The following CLINT1 variants were observed in gnomAD, a reference collection of about 807,000 sequenced individuals.
The protein encoded by CLINT1 is clathrin interacting protein localized in the trans-Golgi region.
A neutral mutation model predicts 70.4 loss-of-function variants in CLINT1; 15 were observed. The ratio of observed to expected loss-of-function variants is 0.21; its 90% CI spans 0.14 to 0.33. CLINT1 has a LOEUF of 0.33. Ranked by LOEUF, CLINT1 falls within the 10% of genes least tolerant of loss-of-function variation. The pLI is 1.00. For missense variants in CLINT1, 615 were observed against 778.1 expected (o/e 0.79, Z 2.49); for synonymous variants, 227 against 254.7 (o/e 0.89, Z 1.04).
At chr5:157,853,297 C>T (rs1193491189) in intron 1 of CLINT1, among the ~76,000 whole-genome samples, 1 of 151,472 alleles carries the variant, frequency 6.6e-6, no homozygotes, top group East Asian at 1.9e-4. Context: ...GAGTTGAGAT[C>T]ACACCATGGC....
intron 8 of CLINT1, chr5:157,795,991 G>A (rs757894651): frequency 6.6e-6 from 1 of 152,186 alleles, no homozygotes; most frequent in African/African-American, 2.4e-5. Context: ...AGATTGCTGC[G>A]CTCCAGATTG....
At position 157,787,820 on chromosome 5, in the gene CLINT1, A is replaced by G. The variant is rs190825502; in HGVS notation, c.1704T>C (p.Asn568=). ...TCATGCTCTGGTTCATCATCGGAGT[A>G]TTTCCAAGAGGGGCCATTCCCATGG... ...TGTMGMAPLG[N]TPMMNQSMMG... Residue 568 remains asparagine (N), a synonymous_variant, in exon 12 of 12, where the codon AAT becomes AAC. Coordinates refer to ENST00000411809, the MANE Select transcript of CLINT1 (RefSeq NM_014666.4). 3 of 1,613,912 alleles carry G rather than the reference A, an allele frequency of 1.9e-6. No homozygotes were observed. The highest frequency in any genetic ancestry group is 2.5e-6 in the Non-Finnish European group (3 of 1,179,884).
At chr5:157,796,721 C>T (rs1365741274) in intron 8 of CLINT1, among the ~76,000 whole-genome samples, 1 of 152,110 alleles carries the variant, frequency 6.6e-6, no homozygotes, top group African/African-American at 2.4e-5. Context: ...TAAACTAGAA[C>T]CATCTCCCCT....
At position 157,814,312 on chromosome 5, in the gene CLINT1, A is replaced by C; in HGVS notation, c.244-19T>G. 1.3e-6 allele frequency: 2 copies of C among 1,506,194 alleles called. No homozygotes were observed. The highest frequency in any genetic ancestry group is 2.3e-5 in the South Asian group (2 of 85,480). 93.3% of individuals were successfully genotyped at this position (1,506,194 alleles called of 1,614,324 possible). ...GCAACGACTGCAAAAATACAAAGCA[A>C]TAAATGATTTAATGAAATATATTCT... is the stretch of plus-strand genomic sequence containing the variant. On this transcript the variant is annotated intron_variant, in intron 3 of 11. Transcript: ENST00000411809.
At chr5:157,825,417 A>T (rs1424109168) in intron 1 of CLINT1, among the ~76,000 whole-genome samples, 1 of 152,192 alleles carries the variant, frequency 6.6e-6, no homozygotes, top group African/African-American at 2.4e-5. Flanking sequence ...CAGTCAAAAA[A>T]AAATTACGAT....
At chr5:157,856,353 G>A (rs1269251921) in intron 1 of CLINT1, among the ~76,000 whole-genome samples, 1 of 152,216 alleles carries the variant, frequency 6.6e-6, no homozygotes, top group Non-Finnish European at 1.5e-5. Context: ...AGATTCATGT[G>A]ATTCTGCCTC....
intron 1 of CLINT1, among the ~76,000 whole-genome samples, chr5:157,858,175 A>G (rs1281209041): frequency 1.3e-5 from 2 of 152,178 alleles, no homozygotes; most frequent in Non-Finnish European, 2.9e-5. Context: ...ACAGGATATA[A>G]ACCTGGGTTG....
rs1374552830 is a variant in CLINT1 at position 157,813,352 on chromosome 5, A to G, written c.353-125T>C. ...AACTTCAATATTTAAAAAACAATAG[A>G]AAGGGGCAAGTTGTGCTATTTAACT... is the stretch of plus-strand genomic sequence containing the variant. On this transcript the variant is annotated intron_variant, in intron 4 of 11. Coordinates refer to ENST00000411809, the MANE Select transcript of CLINT1 (RefSeq NM_014666.4). The G allele has an allele frequency of 2.3e-5, 20 of 885,372 alleles. No individual in the cohort carries two copies. The African/African-American group carries it at 2.9e-4, about 13-fold the overall frequency. 54.8% of individuals were successfully genotyped at this position (885,372 alleles called of 1,614,324 possible).
rs147115775 is a variant in CLINT1 at position 157,813,745 on chromosome 5, T to C, written c.352+440A>G. ...AAGTGGGGTACGCTACAAAATGAAA[T>C]GTGCTTCATTTTCTAGCCTCTTTCA... On this transcript the variant is annotated intron_variant, in intron 4 of 11. Transcript: ENST00000411809. Among the ~76,000 whole-genome samples, 876 of 152,310 alleles carry C rather than the reference T, an allele frequency of 5.8e-3. 14 individuals are homozygous for C. Among genetic ancestry groups the C allele is most frequent in the African/African-American group, 0.019 (790 of 41,560 alleles).
intron 1 of CLINT1, among the ~76,000 whole-genome samples, chr5:157,839,672 G>T (rs1249599940): frequency 6.6e-6 from 1 of 151,362 alleles, no homozygotes; most frequent in Non-Finnish European, 1.5e-5. Flanking sequence ...TGGACTACAG[G>T]TGATCCTGCA....
At chr5:157,843,422 A>G (rs142868516) in intron 1 of CLINT1, among the ~76,000 whole-genome samples, 1 of 152,338 alleles carries the variant, frequency 6.6e-6, no homozygotes, top group Non-Finnish European at 1.5e-5. Context: ...TCCCAAAAGA[A>G]TAAGAATAAA....
rs188679471 is a variant in CLINT1, at chr5:157,832,018, C to A, written c.42-14471G>T. On this transcript the variant is annotated intron_variant, in intron 1 of 11. Coordinates refer to ENST00000411809, the MANE Select transcript of CLINT1 (RefSeq NM_014666.4). ...GCCACTGTTTTTTAAGACAGAGTCT[C>A]GCACTGTCCCCCAAGCTGGAGTGCA... Among the ~76,000 whole-genome samples, 4 of 151,836 alleles carry A rather than the reference C, an allele frequency of 2.6e-5. No homozygotes were observed. In the East Asian group the frequency reaches 7.8e-4, roughly 29 times the overall value.
intron 1 of CLINT1, among the ~76,000 whole-genome samples, chr5:157,824,626 G>C (rs1187146): frequency 6.6e-6 from 1 of 152,140 alleles, no homozygotes; most frequent in Non-Finnish European, 1.5e-5. Flanking sequence ...AAATAGCCAT[G>C]CTGTTAAAGC....
chr5:157,791,541 TAAATG>T lies in CLINT1; in HGVS notation c.1380+157_1380+161del. On this transcript the variant is annotated intron_variant, in intron 10 of 11. Transcript: ENST00000411809. The stretch of plus-strand genomic sequence containing the variant: ...GACTATGCTAGGGGAGAGTATGAGG[TAAATG>T]AAATGTGCAAATGCGTATATATACA... 9.0e-6 allele frequency: 6 copies of T among 669,268 alleles called. No homozygotes were observed. The African/African-American group carries it at 1.1e-4, about 12-fold the overall frequency. The allele number at this position is 669,268 out of a possible 1,614,324, so 41.5% of individuals were successfully genotyped here.
At chr5:157,804,525 A>C (rs1009664864) in intron 7 of CLINT1, among the ~76,000 whole-genome samples, 2 of 152,240 alleles carry the variant, frequency 1.3e-5, no homozygotes, top group Admixed American at 1.3e-4. Context: ...CTGTGATTCC[A>C]AAACACCTTT....
intron 1 of CLINT1, among the ~76,000 whole-genome samples, chr5:157,842,080 T>C (rs189067008): frequency 8.3e-4 from 127 of 152,376 alleles, no homozygotes; most frequent in Admixed American, 2.8e-3. Flanking sequence ...TAGATATAGA[T>C]GTAAGTTTTA....
At chr5:157,836,005 A>T (rs773700548) in intron 1 of CLINT1, among the ~76,000 whole-genome samples, 9 of 152,244 alleles carry the variant, frequency 5.9e-5, no homozygotes, top group Admixed American at 2.0e-4. Flanking sequence ...CAATTCTTTT[A>T]TATAGACAAT....
chr5:157,825,383 T>C (rs563343414), intron 1 of CLINT1, among the ~76,000 whole-genome samples: 2 of 152,238 alleles, frequency 1.3e-5, no homozygotes, highest in Admixed American at 6.5e-5. Context: ...CACAAAAATA[T>C]TATACCCTAT....
At chr5:157,807,531 T>G (rs1200622182) in intron 6 of CLINT1, among the ~76,000 whole-genome samples, 2 of 152,128 alleles carry the variant, frequency 1.3e-5, no homozygotes, top group African/African-American at 4.8e-5. Flanking sequence ...TCAGGTAACA[T>G]GCCATCAGGA....
Sources: gnomAD v4.1 joint callset for allele counts (sites outside exome capture counted in the v4.1 genomes callset) on GRCh38, gnomAD v4.1.1 for gene constraint, MANE v1.5 for transcripts, NCBI Gene and HGNC (gene_info 2026-07-23, HGNC 2026-07-21) for gene names.